Variants in NEU1 observed in about 807,000 individuals in gnomAD.
The protein encoded by NEU1 is sialidase-1.
A neutral mutation model predicts 38.3 loss-of-function variants in NEU1; 32 were observed. The ratio of observed to expected loss-of-function variants is 0.84; its 90% CI spans 0.63 to 1.12. NEU1 has a LOEUF of 1.12. Among genes scored for constraint, NEU1 ranks in the 50% most tolerant of loss-of-function variants. The probability of loss-of-function intolerance (pLI) is 0.00; values close to 1 mark genes in which losing one functional copy is unlikely to be tolerated. For synonymous variants in NEU1, 192 were observed against 225.2 expected (o/e 0.85, Z 1.32); for missense variants, 431 against 549.2 (o/e 0.78, Z 2.15).
In NEU1 at chr6:31,862,189, C is replaced by T; in HGVS notation, c.162G>A (p.Val54=). Residue 54 remains valine, a splice_region_variant and synonymous_variant, in exon 2 of 6, where the codon GTG becomes GTA. Coordinates refer to ENST00000375631, the MANE Select transcript of NEU1 (RefSeq NM_000434.4). The surrounding 1 kb of genome is among the most constrained non-coding windows in gnomAD (Gnocchi z 6.3). Reference sequence around the variant, plus strand: ...GTTGCTCCATGGTCACCAGCGGCTGCACCTGTCATGGGAGGAGGAAGGGTC... The same window carrying T: ...GTTGCTCCATGGTCACCAGCGGCTGTACCTGTCATGGGAGGAGGAAGGGTC... ...WSKAENDFGL[V]QPLVTMEQLL... The T allele has an allele frequency of 6.2e-7, 1 of 1,612,740 alleles. No individual in the cohort carries two copies. The highest frequency in any genetic ancestry group is 8.5e-7 in the Non-Finnish European group (1 of 1,179,942).
intron 2 of NEU1, 94 bp downstream of exon 2, chr6:31,861,905 C>A: frequency 2.8e-6 from 4 of 1,413,026 alleles, no homozygotes; most frequent in Non-Finnish European, 1.0e-6. Context: ...GGCAACCAAC[C>A]CTCTAAGTTC....
chr6:31,861,015 C>T, intron 3 of NEU1, 173 bp downstream of exon 3: 2 of 852,226 alleles, frequency 2.3e-6, no homozygotes, highest in Middle Eastern at 3.6e-4. Flanking sequence ...TGGCAGAGTT[C>T]CCTCTTCTCC....
Position 31,861,198 on chromosome 6 carries a change from G to C in NEU1, c.605C>G (p.Ser202Cys). The C allele has an allele frequency of 2.5e-6, 4 of 1,611,704 alleles. No homozygotes were observed. Among genetic ancestry groups the C allele is most frequent in the Non-Finnish European group, 3.4e-6 (4 of 1,180,030 alleles). The change falls in exon 3 of 6, where the codon TCT becomes TGT. Residue 202 changes from serine (S) to cysteine (C), a missense_variant. Transcript: ENST00000375631. ...TCCTAGGACAGAGACCTGAATACCA[G>C]AGCCCGGTCCAGGGGCAAACACTTC... ...GTEVFAPGPG[S>C]GIQKQREPRK...
At position 31,860,329 on chromosome 6, in the gene NEU1, AG is replaced by A; in HGVS notation, c.799-66del. ...AAATGCCCTGTCCCCGAGGGGAGCA[AG>A]GGTGTGTGGCACTGAGTGGAGCAGT... On this transcript the variant is annotated intron_variant, in intron 4 of 5. Coordinates refer to ENST00000375631, the MANE Select transcript of NEU1 (RefSeq NM_000434.4). This position sits in a 1 kb window ranked among gnomAD's most constrained non-coding sequence, Gnocchi z 4.8. 6.2e-7 allele frequency: 1 copy of A among 1,603,748 alleles called. No homozygotes were observed. Among genetic ancestry groups the A allele is most frequent in the Middle Eastern group, 1.7e-4 (1 of 6,040 alleles).
chr6:31,859,675 G>C lies in NEU1; in HGVS notation c.*44C>G. 1 of 1,590,252 alleles carries C rather than the reference G, an allele frequency of 6.3e-7. No homozygotes were observed. Among genetic ancestry groups the C allele is most frequent in the Non-Finnish European group, 8.6e-7 (1 of 1,161,884 alleles). Reference sequence around the variant, plus strand: ...CCCTCTACAGACCCGTGTTCCTGAAGGCAGAGTCCTGAAGGCAGAATACCC... The same window carrying C: ...CCCTCTACAGACCCGTGTTCCTGAACGCAGAGTCCTGAAGGCAGAATACCC... On this transcript the variant is annotated 3_prime_UTR_variant, in exon 6 of 6. Transcript: ENST00000375631.
Position 31,859,815 on chromosome 6 carries a change from C to G in NEU1, c.1152G>C (p.Glu384Asp). The G allele has an allele frequency of 6.2e-7, 1 of 1,613,082 alleles. No homozygotes were observed. The highest frequency in any genetic ancestry group is 8.5e-7 in the Non-Finnish European group (1 of 1,180,028). Residue 384 changes from glutamate (E) to aspartate (D), a missense_variant, in exon 6 of 6, where the codon GAG becomes GAC. Coordinates refer to ENST00000375631, the MANE Select transcript of NEU1 (RefSeq NM_000434.4). ...ATLEGSMDGE[E>D]QAPQLYVLYE... ...ACAGGACGTAGAGCTGGGGGGCCTG[C>G]TCCTCTCCATCCATGCTGCCCTCCA...
Position 31,862,651 on chromosome 6 carries a change from G to C in NEU1, c.126C>G (p.Ala42=). 6.2e-7 allele frequency: 1 copy of C among 1,613,050 alleles called. No individual in the cohort carries two copies. Among genetic ancestry groups the C allele is most frequent in the Non-Finnish European group, 8.5e-7 (1 of 1,180,020 alleles). The change falls in exon 1 of 6, where the codon GCC becomes GCG. Residue 42 remains alanine, a synonymous_variant. Coordinates refer to ENST00000375631, the MANE Select transcript of NEU1 (RefSeq NM_000434.4). The surrounding 1 kb of genome is among the most constrained non-coding windows in gnomAD (Gnocchi z 6.3). ...AGTCGTTCTCAGCCTTGGACCAGGA[G>C]GCTGCCAGAGACAGCAGCAGGAAGA... The part of the protein sequence containing the change: ...AAIFLLLSLA[A]SWSKAENDFG...
In NEU1 at chr6:31,862,236, G is replaced by C; in HGVS notation, c.160-45C>G. 1 of 1,605,672 alleles carries C rather than the reference G, an allele frequency of 6.2e-7. No individual in the cohort carries two copies. On this transcript the variant is annotated intron_variant, in intron 1 of 5. Coordinates refer to ENST00000375631, the MANE Select transcript of NEU1 (RefSeq NM_000434.4). This position sits in a 1 kb window ranked among gnomAD's most constrained non-coding sequence, Gnocchi z 6.3. ...GGTCAACAAAGACAAACTTGTCTTG[G>C]GGGTTTTAGGAACCCACGTTCCGAT...
Position 31,859,555 on chromosome 6 carries a change from C to T in NEU1, c.*164G>A. On this transcript the variant is annotated 3_prime_UTR_variant, in exon 6 of 6. Coordinates refer to ENST00000375631, the MANE Select transcript of NEU1 (RefSeq NM_000434.4). ...GGGAGAGGACGCCTAGCTTTCAGTCCTAAAGGAAGTGATTTCCCTGGTAAA... is the reference window on the plus strand; with the variant it reads ...GGGAGAGGACGCCTAGCTTTCAGTCTTAAAGGAAGTGATTTCCCTGGTAAA... 2.7e-6 allele frequency: 2 copies of T among 749,792 alleles called. No homozygotes were observed. Among genetic ancestry groups the T allele is most frequent in the Non-Finnish European group, 4.6e-6 (2 of 431,130 alleles). The allele number at this position is 749,792 out of a possible 1,614,324, so 46.4% of individuals were successfully genotyped here. A position where few individuals can be genotyped will look rare whatever the true frequency, so the allele number is the denominator to read the frequency against.
Position 31,862,730 on chromosome 6 carries a change from C to T in NEU1, c.47G>A (p.Gly16Glu). ...PSTALPDRRW[G>E]PRILGFWGGC... is the part of the protein sequence containing the mutation. ...TCCCCAGAAGCCCAGAATCCGCGGCCCCCAGCGTCTGTCCGGGAGCGCCGT... is the reference window on the plus strand; with the variant it reads ...TCCCCAGAAGCCCAGAATCCGCGGCTCCCAGCGTCTGTCCGGGAGCGCCGT... Residue 16 changes from glycine (G) to glutamate (E), a missense_variant, in exon 1 of 6, where the codon GGG becomes GAG. Physicochemically the swap from Gly to Glu is moderately conservative, Grantham distance 98. Transcript: ENST00000375631. This position sits in a 1 kb window ranked among gnomAD's most constrained non-coding sequence, Gnocchi z 6.3. 1 of 1,612,966 alleles carries T rather than the reference C, an allele frequency of 6.2e-7. No individual in the cohort carries two copies. Among genetic ancestry groups the T allele is most frequent in the Non-Finnish European group, 8.5e-7 (1 of 1,180,010 alleles).
rs771950651 is a variant in NEU1, at chr6:31,862,812, C to G, written c.-36G>C. 3.1e-6 allele frequency: 5 copies of G among 1,611,570 alleles called. No individual in the cohort carries two copies. The highest frequency in any genetic ancestry group is 1.1e-5 in the South Asian group (1 of 90,958). ...AGCTGCCGCGACCCTGGCAGCTAGACTCCACAGAGTCGGGAGTCAGCTGAC... is the reference window on the plus strand; with the variant it reads ...AGCTGCCGCGACCCTGGCAGCTAGAGTCCACAGAGTCGGGAGTCAGCTGAC... On this transcript the variant is annotated 5_prime_UTR_variant, in exon 1 of 6. Transcript: ENST00000375631. The surrounding 1 kb of genome is among the most constrained non-coding windows in gnomAD (Gnocchi z 6.3).
At position 31,858,255 on chromosome 6, in the gene NEU1, G is replaced by C. The variant is rs1762372170; in HGVS notation, c.*1464C>G. 6.6e-6 allele frequency: 1 copy of C among 152,082 alleles called. No homozygotes were observed. Among genetic ancestry groups the C allele is most frequent in the Admixed American group, 6.6e-5 (1 of 15,252 alleles). The allele number at this position is 152,082 out of a possible 1,614,324, so 9.4% of individuals were successfully genotyped here. The stretch of plus-strand genomic sequence containing the variant: ...AGAGAACATGGCCGGCAGATTGCTT[G>C]AGCTCAGCAGTTTGAGACCAACCTA... On this transcript the variant is annotated 3_prime_UTR_variant, in exon 6 of 6. Transcript: ENST00000375631.
Position 31,860,207 on chromosome 6 carries a change from G to GGTAGTT in NEU1, c.850_855dup (p.Asn284_Tyr285dup), listed in dbSNP as rs1378198499. 6.2e-7 allele frequency: 1 copy of GGTAGTT among 1,613,032 alleles called. No individual in the cohort carries two copies. The highest frequency in any genetic ancestry group is 8.5e-7 in the Non-Finnish European group (1 of 1,180,024). On this transcript the variant is annotated inframe_insertion, in exon 5 of 6. Transcript: ENST00000375631. This position sits in a 1 kb window ranked among gnomAD's most constrained non-coding sequence, Gnocchi z 4.8. Reference sequence around the variant, plus strand: ...CGGAGGACAATTCGGCAGTGGCAGTGGTAGTTGTTCTGGTTTCGGGCATTG... The same window carrying GGTAGTT: ...CGGAGGACAATTCGGCAGTGGCAGTGGTAGTTGTAGTTGTTCTGGTTTCGGGCATTG...
chr6:31,862,045 G>T lies in NEU1; in HGVS notation c.306C>A (p.Ser102=). The stretch of plus-strand genomic sequence containing the variant: ...GGGCGATGAACTTGGCCCCCTCATC[G>T]GATGAGGACATTTTCCTCGCCTCAG... ...AFAEARKMSS[S]DEGAKFIALR... Residue 102 remains serine (S), a synonymous_variant, in exon 2 of 6, where the codon TCC becomes TCA. Transcript: ENST00000375631. This position sits in a 1 kb window ranked among gnomAD's most constrained non-coding sequence, Gnocchi z 6.3. 1 of 1,613,068 alleles carries T rather than the reference G, an allele frequency of 6.2e-7. No homozygotes were observed. Among genetic ancestry groups the T allele is most frequent in the Non-Finnish European group, 8.5e-7 (1 of 1,180,036 alleles).
In NEU1 at chr6:31,862,232, C is replaced by T; in HGVS notation, c.160-41G>A. The T allele has an allele frequency of 2.5e-6, 4 of 1,608,812 alleles. No individual in the cohort carries two copies. The highest frequency in any genetic ancestry group is 3.4e-6 in the Non-Finnish European group (4 of 1,178,254). ...GAAGGGTCAACAAAGACAAACTTGT[C>T]TTGGGGGTTTTAGGAACCCACGTTC... is the stretch of plus-strand genomic sequence containing the variant. On this transcript the variant is annotated intron_variant, in intron 1 of 5. Transcript: ENST00000375631. The surrounding 1 kb of genome is among the most constrained non-coding windows in gnomAD (Gnocchi z 6.3).
chr6:31,862,611 G>T lies in NEU1; in HGVS notation c.159+7C>A. ...TCGGGGATGGGGCTATGCAAAGGGT[G>T]ACTCACCAGACCGAAGTCGTTCTCA... On this transcript the variant is annotated splice_region_variant and intron_variant, in intron 1 of 5. Transcript: ENST00000375631. This position sits in a 1 kb window ranked among gnomAD's most constrained non-coding sequence, Gnocchi z 6.3. 1 of 1,613,112 alleles carries T rather than the reference G, an allele frequency of 6.2e-7. No homozygotes were observed. Among genetic ancestry groups the T allele is most frequent in the African/African-American group, 1.3e-5 (1 of 75,054 alleles).
In NEU1 at chr6:31,862,800, CT is replaced by C; in HGVS notation, c.-25del. The C allele has an allele frequency of 6.2e-7, 1 of 1,612,298 alleles. No homozygotes were observed. Among genetic ancestry groups the C allele is most frequent in the Non-Finnish European group, 8.5e-7 (1 of 1,179,794 alleles). ...ATCTCTCCCCGCAGCTGCCGCGACC[CT>C]GGCAGCTAGACTCCACAGAGTCGGG... On this transcript the variant is annotated 5_prime_UTR_variant, in exon 1 of 6. Transcript: ENST00000375631. This position sits in a 1 kb window ranked among gnomAD's most constrained non-coding sequence, Gnocchi z 6.3.
At chr6:31,861,952 C>T (rs1327541670) in intron 2 of NEU1, 47 bp downstream of exon 2, 2 of 1,604,552 alleles carry the variant, frequency 1.2e-6, no homozygotes, top group Non-Finnish European at 1.7e-6. Context: ...TTGGGCTGCC[C>T]ACCCATCCAA....
In NEU1 at chr6:31,861,269, A is replaced by C. The variant is rs1415347951; in HGVS notation, c.534T>G (p.Gly178=). 1 of 1,612,846 alleles carries C rather than the reference A, an allele frequency of 6.2e-7. No individual in the cohort carries two copies. ...STMLVWSKDD[G]VSWSTPRNLS... ...GATTCCGGGGTGTGCTCCAGGAAAC[A>C]CCATCATCCTTGCTCCATACCAACA... The change falls in exon 3 of 6, where the codon GGT becomes GGG. Residue 178 remains glycine (G), a synonymous_variant. Transcript: ENST00000375631.
Sources: allele counts gnomAD v4.1 joint callset, GRCh38; gene constraint gnomAD v4.1.1; non-coding constraint Gnocchi (gnomAD v3.1); transcripts MANE v1.5; gene names NCBI Gene and HGNC (gene_info 2026-07-23, HGNC 2026-07-21).